Variants in TMEM33 observed in about 807,000 individuals in gnomAD.
TMEM33 encodes the protein transmembrane protein 33.
Under a neutral mutation model 29.7 loss-of-function variants are expected in TMEM33, and 16 were observed. The ratio of observed to expected loss-of-function variants is 0.54; its 90% CI spans 0.36 to 0.82. The LOEUF (loss-of-function observed/expected upper bound fraction) is 0.82, where lower values mean the gene tolerates loss of function less well. Among genes scored for constraint, TMEM33 ranks in the 40% least tolerant of loss-of-function variants. The pLI, the probability that TMEM33 is intolerant of heterozygous loss-of-function variation, is 0.00. For missense variants in TMEM33, 252 were observed against 295.3 expected (o/e 0.85, Z 1.08); for synonymous variants, 112 against 109.4 (o/e 1.02, Z -0.15).
At chr4:41,937,566 T>C (rs918734164) in intron 1 of TMEM33, among the ~76,000 whole-genome samples, 5 of 152,062 alleles carry the variant, frequency 3.3e-5, no homozygotes, top group African/African-American at 9.7e-5. Flanking sequence ...GACCCATTAG[T>C]GAGTTGAGAA....
At position 41,949,393 on chromosome 4, in the gene TMEM33, G is replaced by A; in HGVS notation, c.614+8G>A. 1 of 1,599,326 alleles carries A rather than the reference G, an allele frequency of 6.3e-7. No individual in the cohort carries two copies. The highest frequency in any genetic ancestry group is 1.7e-5 in the Admixed American group (1 of 58,822). On this transcript the variant is annotated splice_region_variant and intron_variant, in intron 6 of 6. Coordinates refer to ENST00000504986, the MANE Select transcript of TMEM33 (RefSeq NM_018126.3). Reference sequence around the variant, plus strand: ...AAGAAACCCATATTGTCGGTAAGCTGATGATTATTTTAGGCATGTTTTATT... The same window carrying A: ...AAGAAACCCATATTGTCGGTAAGCTAATGATTATTTTAGGCATGTTTTATT...
At position 41,957,018 on chromosome 4, in the gene TMEM33, CTTAT is replaced by C. The variant is rs1713302267; in HGVS notation, c.*2821_*2824del. ...ATTAACTCTTTACTGCATCATTGAA[CTTAT>C]TGTTAGTTACAGGTTTAAAAGAAGT... On this transcript the variant is annotated 3_prime_UTR_variant, in exon 7 of 7. Transcript: ENST00000504986. 3 of 152,104 alleles carry C rather than the reference CTTAT, an allele frequency of 2.0e-5. No homozygotes were observed. The highest frequency in any genetic ancestry group is 2.9e-5 in the Non-Finnish European group (2 of 67,986). The allele number at this position is 152,104 out of a possible 1,614,324, so 9.4% of individuals were successfully genotyped here.
intron 5 of TMEM33, among the ~76,000 whole-genome samples, chr4:41,947,016 G>A (rs113264631): frequency 6.6e-6 from 1 of 152,010 alleles, no homozygotes. Flanking sequence ...AGCTGGCAGA[G>A]CATGAGGTCA....
chr4:41,949,254 A>G, intron 5 of TMEM33, 48 bp from the exon 6 acceptor site: 1 of 1,337,746 alleles, frequency 7.5e-7, no homozygotes, highest in Non-Finnish European at 1.1e-6. Context: ...GAGAGTATAC[A>G]CATGAATTGA....
In TMEM33 at chr4:41,935,502, G is replaced by C. The variant is rs773666634; in HGVS notation, c.18G>C (p.Pro6=). The C allele has an allele frequency of 6.2e-7, 1 of 1,609,970 alleles. No homozygotes were observed. Among genetic ancestry groups the C allele is most frequent in the Non-Finnish European group, 8.5e-7 (1 of 1,178,252 alleles). Residue 6 remains proline (P), a synonymous_variant, in exon 1 of 7, where the codon CCG becomes CCC. Coordinates refer to ENST00000504986, the MANE Select transcript of TMEM33 (RefSeq NM_018126.3). The part of the protein sequence containing the change: MADTT[P]NGPQGAGAVQ... ...GAGCCCCCATGGCAGATACGACCCC[G>C]AACGGCCCCCAAGGGGCGGGCGCTG...
rs183273535 is a variant in TMEM33 at position 41,948,438 on chromosome 4, T to C, written c.531-864T>C. Reference sequence around the variant, plus strand: ...AGGGAAAATGGATGTTGCATTTGTTTAGTGGTAAGTTCGTAATCGTGTAAA... The same window carrying C: ...AGGGAAAATGGATGTTGCATTTGTTCAGTGGTAAGTTCGTAATCGTGTAAA... On this transcript the variant is annotated intron_variant, in intron 5 of 6. Transcript: ENST00000504986. Among the ~76,000 whole-genome samples, 16 of 152,248 alleles carry C rather than the reference T, an allele frequency of 1.1e-4. No individual in the cohort carries two copies. In the East Asian group the frequency reaches 3.1e-3, roughly 29 times the overall value.
chr4:41,955,622 A>G lies in TMEM33; in HGVS notation c.*1423A>G, dbSNP rs867707512. 2 of 152,646 alleles carry G rather than the reference A, an allele frequency of 1.3e-5. No homozygotes were observed. Among genetic ancestry groups the G allele is most frequent in the South Asian group, 2.1e-4 (1 of 4,828 alleles). The allele number at this position is 152,646 out of a possible 1,614,324, so 9.5% of individuals were successfully genotyped here. A position where few individuals can be genotyped will look rare whatever the true frequency, so the allele number is the denominator to read the frequency against. On this transcript the variant is annotated 3_prime_UTR_variant, in exon 7 of 7. Coordinates refer to ENST00000504986, the MANE Select transcript of TMEM33 (RefSeq NM_018126.3). The stretch of plus-strand genomic sequence containing the variant: ...TCTTAGGATAAATACATGAAAAATT[A>G]TACTTGATAGCTTAACTATAATCAG...
chr4:41,948,803 A>G (rs1426441187), intron 5 of TMEM33, among the ~76,000 whole-genome samples: 1 of 152,080 alleles, frequency 6.6e-6, no homozygotes, highest in Non-Finnish European at 1.5e-5. Flanking sequence ...CTGGTATTTC[A>G]TAAACATATA....
intron 5 of TMEM33, among the ~76,000 whole-genome samples, chr4:41,948,526 T>C (rs1051940052): frequency 6.6e-6 from 1 of 152,138 alleles, no homozygotes; most frequent in Admixed American, 6.5e-5. Context: ...AAAACACATT[T>C]GGCATCTTAA....
intron 3 of TMEM33, among the ~76,000 whole-genome samples, chr4:41,940,545 T>C (rs1222215541): frequency 6.6e-6 from 1 of 152,002 alleles, no homozygotes; most frequent in African/African-American, 2.4e-5. Flanking sequence ...CCAGGCGCGG[T>C]GGCTCACGTG....
chr4:41,953,030 T>C (rs1431796488), intron 6 of TMEM33, among the ~76,000 whole-genome samples: 2 of 151,820 alleles, frequency 1.3e-5, no homozygotes, highest in Non-Finnish European at 2.9e-5. Flanking sequence ...GACTCTAAAA[T>C]ATATATATAT....
chr4:41,940,165 A>G (rs1257037928), intron 3 of TMEM33, among the ~76,000 whole-genome samples: 3 of 151,202 alleles, frequency 2.0e-5, no homozygotes, highest in Admixed American at 2.0e-4. Context: ...GCCAGGTCAA[A>G]CATTTTTAAA....
chr4:41,959,505 C>T lies in TMEM33; in HGVS notation c.*5306C>T, dbSNP rs976744615. 1 of 152,192 alleles carries T rather than the reference C, an allele frequency of 6.6e-6. No individual in the cohort carries two copies. The highest frequency in any genetic ancestry group is 2.4e-5 in the African/African-American group (1 of 41,450). 9.4% of individuals were successfully genotyped at this position (152,192 alleles called of 1,614,324 possible). ...GATGGATGTCTTTGCTGAAATCTAA[C>T]AATTAGCTCATATTCCATGAGAAAG... On this transcript the variant is annotated 3_prime_UTR_variant, in exon 7 of 7. Coordinates refer to ENST00000504986, the MANE Select transcript of TMEM33 (RefSeq NM_018126.3).
chr4:41,936,403 C>T (rs1349745894), intron 1 of TMEM33, among the ~76,000 whole-genome samples: 1 of 152,140 alleles, frequency 6.6e-6, no homozygotes, highest in Non-Finnish European at 1.5e-5. Context: ...TTAGGCGGGG[C>T]GTGGTGGCTC....
intron 1 of TMEM33, among the ~76,000 whole-genome samples, chr4:41,937,760 C>A (rs1166761723): frequency 6.6e-6 from 1 of 151,972 alleles, no homozygotes; most frequent in East Asian, 1.9e-4. Context: ...ATATAAGATA[C>A]ATTTTAATGA....
At chr4:41,942,293 A>G (rs1021246975) in intron 3 of TMEM33, among the ~76,000 whole-genome samples, 9 of 152,328 alleles carry the variant, frequency 5.9e-5, no homozygotes, top group African/African-American at 1.4e-4. Flanking sequence ...TATGATCTCT[A>G]CTTAGGAAAT....
chr4:41,946,053 A>G (rs1295108678), intron 5 of TMEM33, among the ~76,000 whole-genome samples: 1 of 149,640 alleles, frequency 6.7e-6, no homozygotes, highest in Non-Finnish European at 1.5e-5. Flanking sequence ...TTCATAACCT[A>G]ATTGATTTGG....
chr4:41,953,989 C>T, intron 6 of TMEM33, 81 bp from the exon 7 acceptor site: 1 of 1,543,314 alleles, frequency 6.5e-7, no homozygotes. Flanking sequence ...AATGAAATAT[C>T]TATGGAGTAC....
At position 41,959,982 on chromosome 4, in the gene TMEM33, G is replaced by C. The variant is rs927826295; in HGVS notation, c.*5783G>C. 7 of 151,812 alleles carry C rather than the reference G, an allele frequency of 4.6e-5. No individual in the cohort carries two copies. The highest frequency in any genetic ancestry group is 1.0e-4 in the Non-Finnish European group (7 of 67,942). 9.4% of individuals were successfully genotyped at this position (151,812 alleles called of 1,614,324 possible). A position where few individuals can be genotyped will look rare whatever the true frequency, so the allele number is the denominator to read the frequency against. ...CAGGTTGGGGAGTTACATTCTTCAG[G>C]CCAATACTATCCAGACTATATAAAT... On this transcript the variant is annotated 3_prime_UTR_variant, in exon 7 of 7. Coordinates refer to ENST00000504986, the MANE Select transcript of TMEM33 (RefSeq NM_018126.3).
Sources: gnomAD v4.1 joint callset for allele counts (sites outside exome capture counted in the v4.1 genomes callset) on GRCh38, gnomAD v4.1.1 for gene constraint, MANE v1.5 for transcripts, NCBI Gene and HGNC (gene_info 2026-07-23, HGNC 2026-07-21) for gene names.